The following POU2F3 variants were observed in gnomAD, a reference collection of about 807,000 sequenced individuals.
POU2F3 encodes the protein POU domain, class 2, transcription factor 3.
In POU2F3, 23 loss-of-function variants were observed where a neutral mutation model predicts 59.2. The ratio of observed to expected loss-of-function variants is 0.39; its 90% confidence interval spans 0.28 to 0.55. POU2F3 has a LOEUF of 0.55. Among genes scored for constraint, POU2F3 ranks in the 20% least tolerant of loss-of-function variants. The probability of loss-of-function intolerance (pLI) is 0.66; values close to 1 mark genes in which losing one functional copy is unlikely to be tolerated. For synonymous variants in POU2F3, 190 were observed against 214.6 expected (o/e 0.89, Z 1.00); for missense variants, 473 against 544.5 (o/e 0.87, Z 1.31).
chr11:120,296,830 C>A lies in POU2F3; in HGVS notation c.133-1435C>A, dbSNP rs548687150. Among the ~76,000 whole-genome samples the A allele has an allele frequency of 2.6e-5, 4 of 152,258 alleles. No individual in the cohort carries two copies. The South Asian group carries it at 8.3e-4, about 32-fold the overall frequency. On this transcript the variant is annotated intron_variant, in intron 3 of 12. Coordinates refer to ENST00000543440, the MANE Select transcript of POU2F3 (RefSeq NM_014352.4). ...CATTTAGGTTGATTCCATGTCTTTGCTATGAATAGTGTTGCGATGAACATA... is the reference window on the plus strand; with the variant it reads ...CATTTAGGTTGATTCCATGTCTTTGATATGAATAGTGTTGCGATGAACATA...
intron 3 of POU2F3, among the ~76,000 whole-genome samples, chr11:120,289,722 C>G (rs1055768008): frequency 6.6e-6 from 1 of 152,212 alleles, no homozygotes; most frequent in Non-Finnish European, 1.5e-5. Context: ...TGCTGCCTGG[C>G]AAACTTTTCT....
At chr11:120,291,542 C>T (rs576493945) in intron 3 of POU2F3, among the ~76,000 whole-genome samples, 4 of 152,348 alleles carry the variant, frequency 2.6e-5, no homozygotes, top group African/African-American at 9.6e-5. Context: ...GTGCAACCTA[C>T]ACCAAACAAC....
At chr11:120,264,830 T>A (rs571659451) in intron 2 of POU2F3, among the ~76,000 whole-genome samples, 1 of 152,348 alleles carries the variant, frequency 6.6e-6, no homozygotes, top group South Asian at 2.1e-4. Flanking sequence ...CTGCTGCTCC[T>A]CCACACAGCA....
intron 2 of POU2F3, among the ~76,000 whole-genome samples, chr11:120,252,799 G>A (rs1939168917): frequency 6.6e-6 from 1 of 152,164 alleles, no homozygotes; most frequent in Admixed American, 6.5e-5. Flanking sequence ...GTAAGCAGAG[G>A]TGGCAGGATT....
At position 120,240,332 on chromosome 11, in the gene POU2F3, G is replaced by A; in HGVS notation, c.-12G>A. The A allele has an allele frequency of 7.2e-7, 1 of 1,387,218 alleles. No homozygotes were observed. Among genetic ancestry groups the A allele is most frequent in the Non-Finnish European group, 9.4e-7 (1 of 1,059,780 alleles). 85.9% of individuals were successfully genotyped at this position (1,387,218 alleles called of 1,614,324 possible). A position where few individuals can be genotyped will look rare whatever the true frequency, so the allele number is the denominator to read the frequency against. ...CTGGGGGGGCGCTGGCTTTGGCCCC[G>A]CCTGGGGCAGGATGGTGAATCTGGA... is the stretch of plus-strand genomic sequence containing the variant. On this transcript the variant is annotated 5_prime_UTR_variant, in exon 1 of 13. Coordinates refer to ENST00000543440, the MANE Select transcript of POU2F3 (RefSeq NM_014352.4).
chr11:120,254,284 G>C (rs1000075814), intron 2 of POU2F3: 1 of 152,438 alleles, frequency 6.6e-6, no homozygotes, highest in African/African-American at 2.4e-5. Flanking sequence ...GCTACAGTCT[G>C]TCCCAACCCA....
At chr11:120,307,651 C>T (rs1446295263) in intron 9 of POU2F3, 36 bp downstream of exon 9, 16 of 1,611,872 alleles carry the variant, frequency 9.9e-6, no homozygotes, top group Middle Eastern at 1.7e-4. Context: ...GGGTGGGCTA[C>T]CTCACACAGG....
intron 2 of POU2F3, among the ~76,000 whole-genome samples, chr11:120,267,992 C>T (rs980769253): frequency 6.6e-6 from 1 of 151,720 alleles, no homozygotes; most frequent in African/African-American, 2.4e-5. Flanking sequence ...TTCCTATTCA[C>T]ATAGCAAAAG....
intron 3 of POU2F3, among the ~76,000 whole-genome samples, chr11:120,291,319 A>G (rs908913782): frequency 6.2e-4 from 94 of 152,342 alleles, no homozygotes; most frequent in African/African-American, 2.1e-3. Context: ...GACACTGGAT[A>G]GGGAGTTAGC....
intron 2 of POU2F3, among the ~76,000 whole-genome samples, chr11:120,253,262 A>AT (rs34929989): frequency 0.32 from 46,510 of 143,548 alleles, 8,518 homozygotes; most frequent in African/African-American, 0.48. Flanking sequence ...AACATTTTTA[A>AT]TTTTTTTTTT....
Position 120,246,469 on chromosome 11 carries a change from G to A in POU2F3, c.49G>A (p.Val17Ile), listed in dbSNP as rs753457928. 8 of 1,613,764 alleles carry A rather than the reference G, an allele frequency of 5.0e-6. No homozygotes were observed. Among genetic ancestry groups the A allele is most frequent in the African/African-American group, 1.3e-5 (1 of 74,848 alleles). ...MHTDIKMSGD[V>I]ADSTDARSTL... ...TGCAGATATCAAGATGAGTGGGGAT[G>A]TAGCCGATTCCACGGATGCTCGCAG... Residue 17 changes from valine (V) to isoleucine (I), a missense_variant, in exon 2 of 13, where the codon GTA (valine) becomes ATA (isoleucine). By Grantham distance (29) the Val-to-Ile change is conservative (BLOSUM62 3). Transcript: ENST00000543440.
rs1008457250 is a variant in POU2F3 at position 120,319,942 on chromosome 11, AG to A, written c.*1551del. 1 of 152,386 alleles carries A rather than the reference AG, an allele frequency of 6.6e-6. No homozygotes were observed. The highest frequency in any genetic ancestry group is 2.4e-5 in the African/African-American group (1 of 41,370). 9.4% of individuals were successfully genotyped at this position (152,386 alleles called of 1,614,324 possible). ...ATAAATGTGTATAGTGATTATGAAA[AG>A]TATCCCACTGTTGATAAGAAGAGGT... On this transcript the variant is annotated 3_prime_UTR_variant, in exon 13 of 13. Transcript: ENST00000543440.
intron 2 of POU2F3, chr11:120,254,778 T>G (rs1591379593): frequency 6.6e-6 from 1 of 151,990 alleles, no homozygotes. Flanking sequence ...AGTGGCTGGG[T>G]TTCATTCCTA....
intron 8 of POU2F3, among the ~76,000 whole-genome samples, chr11:120,306,758 A>T (rs1055204451): frequency 6.6e-6 from 1 of 152,196 alleles, no homozygotes; most frequent in Non-Finnish European, 1.5e-5. Context: ...GCTGTTACTC[A>T]TACGGAAGGG....
intron 5 of POU2F3, 96 bp from the exon 6 acceptor site, chr11:120,302,190 T>C: frequency 9.7e-7 from 1 of 1,035,776 alleles, no homozygotes; most frequent in South Asian, 1.5e-5. Flanking sequence ...TGGCAGGGGG[T>C]GGGGACAGTG....
intron 3 of POU2F3, among the ~76,000 whole-genome samples, chr11:120,276,430 G>C (rs972150191): frequency 6.6e-6 from 1 of 152,110 alleles, no homozygotes; most frequent in African/African-American, 2.4e-5. Context: ...CCAATGGAGG[G>C]AGGCTCCGAG....
At chr11:120,244,325 G>A (rs1490361480) in intron 1 of POU2F3, among the ~76,000 whole-genome samples, 1 of 152,224 alleles carries the variant, frequency 6.6e-6, no homozygotes, top group Non-Finnish European at 1.5e-5. Context: ...AAGCGGACTA[G>A]CATCTAAGCC....
At chr11:120,294,662 T>C (rs966414320) in intron 3 of POU2F3, among the ~76,000 whole-genome samples, 1 of 152,252 alleles carries the variant, frequency 6.6e-6, no homozygotes, top group Non-Finnish European at 1.5e-5. Flanking sequence ...CTTTATTTCT[T>C]AATTTCTTCA....
chr11:120,286,692 A>T (rs1436517670), intron 3 of POU2F3, among the ~76,000 whole-genome samples: 1 of 152,128 alleles, frequency 6.6e-6, no homozygotes, highest in Admixed American at 6.6e-5. Context: ...AATGCATCTC[A>T]AGTCTTTTTT....
Sources: allele counts gnomAD v4.1 joint callset (sites outside exome capture counted in the v4.1 genomes callset), GRCh38; gene constraint gnomAD v4.1.1; transcripts MANE v1.5; gene names NCBI Gene and HGNC (gene_info 2026-07-23, HGNC 2026-07-21).